SCAI: variants seen among roughly 807,000 people sequenced by gnomAD.
SCAI encodes suppressor of cancer cell invasion.
Under a neutral mutation model 92.2 loss-of-function variants are expected in SCAI, and 24 were observed. That is an observed-to-expected ratio of 0.26 (90% confidence interval 0.19 to 0.37). The LOEUF (loss-of-function observed/expected upper bound fraction) is 0.37. Among genes scored for constraint, SCAI ranks in the 10% least tolerant of loss-of-function variants. The pLI is 1.00. For missense variants in SCAI, 450 were observed against 736.2 expected (o/e 0.61, Z 4.50); for synonymous variants, 261 against 258.6 (o/e 1.01, Z -0.09).
chr9:125,103,695 G>A (rs1387281690), intron 2 of SCAI, among the ~76,000 whole-genome samples: 1 of 152,270 alleles, frequency 6.6e-6, no homozygotes, highest in East Asian at 1.9e-4. Flanking sequence ...TCTTAATCAA[G>A]TGATGTTGTT....
rs952798447 is a variant in SCAI, at chr9:125,030,945, T to C, written c.231-1206A>G. On this transcript the variant is annotated intron_variant, in intron 3 of 17. Transcript: ENST00000336505. ...ATTACTAATGCATAACTGTAAAATA[T>C]ATAATTGAGAAATGCTATCCATAAA... Among the ~76,000 whole-genome samples, 3 of 152,216 alleles carry C rather than the reference T, an allele frequency of 2.0e-5. No homozygotes were observed. The East Asian group carries it at 5.8e-4, about 29-fold the overall frequency.
chr9:125,070,978 A>T (rs10986538), intron 2 of SCAI, among the ~76,000 whole-genome samples: 1,919 of 152,234 alleles, frequency 0.013, 100 homozygotes, highest in Admixed American at 0.082. Flanking sequence ...TACTGTTCTC[A>T]TGGTAGTGAA....
chr9:124,977,649 G>A (rs1831788015), intron 14 of SCAI, among the ~76,000 whole-genome samples: 1 of 152,158 alleles, frequency 6.6e-6, no homozygotes, highest in Admixed American at 6.6e-5. Context: ...ACTCCACCCT[G>A]CGCAACAGAG....
At chr9:125,087,413 C>T (rs1319377589) in intron 2 of SCAI, among the ~76,000 whole-genome samples, 1 of 152,180 alleles carries the variant, frequency 6.6e-6, no homozygotes, top group Non-Finnish European at 1.5e-5. Flanking sequence ...AAAATGATTC[C>T]TGCAGGTACT....
At chr9:125,067,894 T>C (rs918302212) in intron 2 of SCAI, among the ~76,000 whole-genome samples, 1 of 152,210 alleles carries the variant, frequency 6.6e-6, no homozygotes, top group African/African-American at 2.4e-5. Flanking sequence ...TGGCAAATTA[T>C]TGACCTGCCT....
Position 125,028,269 on chromosome 9 carries a change from C to T in SCAI, c.413+123G>A, listed in dbSNP as rs983645151. 2.4e-5 allele frequency: 14 copies of T among 594,670 alleles called. No individual in the cohort carries two copies. In the Admixed American group the frequency reaches 5.0e-4, roughly 21 times the overall value. The allele number at this position is 594,670 out of a possible 1,614,324, so 36.8% of individuals were successfully genotyped here. On this transcript the variant is annotated intron_variant, in intron 5 of 17. Coordinates refer to ENST00000336505, the MANE Select transcript of SCAI (RefSeq NM_001144877.3). ...GTCTTGATCAATCTGGTCCGAACTA[C>T]TAGAGTTTCATTTGTAACTCGTGAT... is the stretch of plus-strand genomic sequence containing the variant.
At position 124,943,318 on chromosome 9, in the gene SCAI, T is replaced by A. The variant is rs1400892267; in HGVS notation, c.*9489A>T. 1 of 152,160 alleles carries A rather than the reference T, an allele frequency of 6.6e-6. No individual in the cohort carries two copies. The highest frequency in any genetic ancestry group is 1.5e-5 in the Non-Finnish European group (1 of 68,012). 9.4% of individuals were successfully genotyped at this position (152,160 alleles called of 1,614,324 possible). A position where few individuals can be genotyped will look rare whatever the true frequency, so the allele number is the denominator to read the frequency against. ...AAACAGTTTTGCTAACGGGGCTGAG[T>A]TGATGGATTTTTTTCTAAAGTATTA... On this transcript the variant is annotated 3_prime_UTR_variant, in exon 18 of 18. Transcript: ENST00000336505.
chr9:125,128,933 C>T (rs952239007), intron 2 of SCAI, among the ~76,000 whole-genome samples: 1 of 151,356 alleles, frequency 6.6e-6, no homozygotes, highest in Non-Finnish European at 1.5e-5. Flanking sequence ...TGTGGTGGTG[C>T]ACAACTTTAA....
At chr9:125,073,351 G>A (rs889305275) in intron 2 of SCAI, among the ~76,000 whole-genome samples, 7 of 151,496 alleles carry the variant, frequency 4.6e-5, no homozygotes, top group Admixed American at 6.6e-5. Flanking sequence ...TGATCCACCC[G>A]CCTCGGCCTC....
At chr9:125,072,944 C>T (rs1257194684) in intron 2 of SCAI, among the ~76,000 whole-genome samples, 2 of 151,988 alleles carry the variant, frequency 1.3e-5, no homozygotes, top group Non-Finnish European at 1.5e-5. Context: ...CACTGATGGA[C>T]ACATGGGTTG....
At chr9:125,116,263 A>G (rs1011856870) in intron 2 of SCAI, among the ~76,000 whole-genome samples, 10 of 152,204 alleles carry the variant, frequency 6.6e-5, no homozygotes, top group Admixed American at 6.5e-5. Context: ...TTAAAATATT[A>G]AAAGTATTAT....
Position 125,110,888 on chromosome 9 carries a change from C to T in SCAI, c.98+31745G>A, listed in dbSNP as rs890112149. Reference sequence around the variant, plus strand: ...ATGAGTAAAAGCGCCCTGAGGCCTCCCCAGAAGCAGATGCTGCCATGCTTC... The same window carrying T: ...ATGAGTAAAAGCGCCCTGAGGCCTCTCCAGAAGCAGATGCTGCCATGCTTC... On this transcript the variant is annotated intron_variant, in intron 2 of 17. Transcript: ENST00000336505. 3.9e-5 allele frequency among the ~76,000 whole-genome samples: 6 copies of T among 152,160 alleles called. No individual in the cohort carries two copies. In the East Asian group the frequency reaches 1.2e-3, roughly 29 times the overall value.
At chr9:125,040,591 A>C (rs1833299908) in intron 3 of SCAI, among the ~76,000 whole-genome samples, 1 of 152,052 alleles carries the variant, frequency 6.6e-6, no homozygotes, top group Non-Finnish European at 1.5e-5. Context: ...TTCCTGATGA[A>C]CATTTATATT....
At chr9:125,101,653 G>A (rs758813145) in intron 2 of SCAI, among the ~76,000 whole-genome samples, 1 of 152,170 alleles carries the variant, frequency 6.6e-6, no homozygotes, top group Non-Finnish European at 1.5e-5. Context: ...GAGTTCAGGG[G>A]AATGGTATAG....
intron 13 of SCAI, among the ~76,000 whole-genome samples, chr9:124,996,556 G>T (rs1048163249): frequency 6.6e-6 from 1 of 152,058 alleles, no homozygotes; most frequent in Non-Finnish European, 1.5e-5. Flanking sequence ...TCCCATCTCA[G>T]CCTCCCAAAG....
chr9:125,085,249 G>C (rs151084995), intron 2 of SCAI, among the ~76,000 whole-genome samples: 257 of 151,434 alleles, frequency 1.7e-3, no homozygotes, highest in Admixed American at 4.9e-3. Flanking sequence ...CGCTTCGGGA[G>C]GTTGAGGTGG....
chr9:124,982,909 T>TTGGAAGACCAAGG (rs1831915573), intron 14 of SCAI, among the ~76,000 whole-genome samples: 1 of 152,080 alleles, frequency 6.6e-6, no homozygotes, highest in Non-Finnish European at 1.5e-5. Context: ...TCCCAGCACT[T>TTGGAAGACCAAGG]TGGAAGACCA....
At chr9:125,123,217 G>C (rs1835194637) in intron 2 of SCAI, among the ~76,000 whole-genome samples, 1 of 152,122 alleles carries the variant, frequency 6.6e-6, no homozygotes, top group Admixed American at 6.5e-5. Flanking sequence ...CAAAAAATCA[G>C]CCAGGTGTGG....
At chr9:124,993,360 G>A (rs1394788451) in intron 14 of SCAI, among the ~76,000 whole-genome samples, 3 of 152,162 alleles carry the variant, frequency 2.0e-5, no homozygotes, top group Non-Finnish European at 4.4e-5. Context: ...AGGCCAAGGC[G>A]GGTGGATCAT....
Sources: allele counts gnomAD v4.1 joint callset (sites outside exome capture counted in the v4.1 genomes callset), GRCh38; gene constraint gnomAD v4.1.1; transcripts MANE v1.5; gene names NCBI Gene and HGNC (gene_info 2026-07-23, HGNC 2026-07-21).